Variants in FGF14 observed in about 807,000 individuals in gnomAD.
The protein encoded by FGF14 is fibroblast growth factor 14.
In FGF14, 5 loss-of-function variants were observed where a neutral mutation model predicts 25.5. The observed-to-expected ratio is 0.20, with a 90% CI of 0.10 to 0.41. The LOEUF is 0.41. FGF14 is among the 10% of genes least tolerant of loss of function. FGF14 has a pLI of 1.00. For synonymous variants in FGF14, 138 were observed against 118.3 expected, an observed-to-expected ratio of 1.17 and a Z score of -1.08; for missense variants, 222 against 320.1, an observed-to-expected ratio of 0.69 and a Z score of 2.34.
intron 1 of FGF14, among the ~76,000 whole-genome samples, chr13:102,023,778 C>A (rs2040791724): frequency 6.6e-6 from 1 of 151,912 alleles, no homozygotes; most frequent in Non-Finnish European, 1.5e-5. Context: ...CTGACAGGTA[C>A]AGTAAGGCCT....
intron 1 of FGF14, among the ~76,000 whole-genome samples, chr13:102,345,220 T>G (rs974877017): frequency 6.6e-6 from 1 of 152,190 alleles, no homozygotes; most frequent in Non-Finnish European, 1.5e-5. Flanking sequence ...ACCACAATAT[T>G]ACTTAAGAAT....
intron 1 of FGF14, among the ~76,000 whole-genome samples, chr13:102,235,968 T>C (rs1278854330): frequency 1.3e-5 from 2 of 152,250 alleles, no homozygotes; most frequent in Non-Finnish European, 2.9e-5. Flanking sequence ...ATTCATAGTT[T>C]AAGAATTAGT....
At chr13:101,897,533 G>A (rs761191719) in intron 1 of FGF14, among the ~76,000 whole-genome samples, 1 of 152,128 alleles carries the variant, frequency 6.6e-6, no homozygotes, top group East Asian at 1.9e-4. Context: ...GCAGCCTGGA[G>A]TAAGAGATAT....
At chr13:101,825,190 G>A (rs753190818) in intron 3 of FGF14, among the ~76,000 whole-genome samples, 2 of 152,182 alleles carry the variant, frequency 1.3e-5, no homozygotes, top group Admixed American at 6.5e-5. Flanking sequence ...TAAAGTGGGA[G>A]GGAGTCTTGT....
intron 1 of FGF14, among the ~76,000 whole-genome samples, chr13:102,384,438 T>C (rs2058255453): frequency 6.6e-6 from 1 of 152,194 alleles, no homozygotes; most frequent in Non-Finnish European, 1.5e-5. Context: ...TCATTCTTGG[T>C]ACTCACCACA....
At chr13:101,730,540 A>G (rs1024200891) in intron 3 of FGF14, among the ~76,000 whole-genome samples, 3 of 152,222 alleles carry the variant, frequency 2.0e-5, no homozygotes, top group African/African-American at 7.2e-5. Context: ...ATTTCCTTAT[A>G]AGGGACCTAA....
intron 1 of FGF14, among the ~76,000 whole-genome samples, chr13:102,345,904 C>T (rs1209215521): frequency 6.6e-6 from 1 of 152,148 alleles, no homozygotes; most frequent in Admixed American, 6.5e-5. Flanking sequence ...CAATTAATAA[C>T]ATTAATCAAA....
chr13:101,790,409 CTTTT>C (rs3064706), intron 3 of FGF14, among the ~76,000 whole-genome samples: 208 of 143,048 alleles, frequency 1.5e-3, no homozygotes, highest in Middle Eastern at 3.6e-3. Context: ...TATTCATTTT[CTTTT>C]TTTTTTTTTT....
intron 1 of FGF14, among the ~76,000 whole-genome samples, chr13:102,331,576 C>T (rs2056633514): frequency 6.6e-6 from 1 of 152,178 alleles, no homozygotes; most frequent in Admixed American, 6.6e-5. Context: ...AATAACTTCA[C>T]TCTTCCTTTG....
chr13:102,023,043 G>GACACAC (rs59221538), intron 1 of FGF14, among the ~76,000 whole-genome samples: 12,493 of 146,188 alleles, frequency 0.085, 715 homozygotes, highest in East Asian at 0.23. Flanking sequence ...AATATTTTCG[G>GACACAC]ACACACACAC....
chr13:102,220,256 C>A (rs2050547998), intron 1 of FGF14, among the ~76,000 whole-genome samples: 1 of 151,864 alleles, frequency 6.6e-6, no homozygotes, highest in African/African-American at 2.4e-5. Context: ...ATTCTCTTAA[C>A]AAAAATATGT....
rs571313668 is a variant in FGF14, at chr13:101,715,400, G to A, written c.*7431C>T. The A allele has an allele frequency of 1.0e-4, 62 of 617,872 alleles. No individual in the cohort carries two copies. The highest frequency in any genetic ancestry group is 6.0e-4 in the Admixed American group (22 of 36,616). 38.3% of individuals were successfully genotyped at this position (617,872 alleles called of 1,614,324 possible). A position where few individuals can be genotyped will look rare whatever the true frequency, so the allele number is the denominator to read the frequency against. On this transcript the variant is annotated 3_prime_UTR_variant, in exon 5 of 5. Transcript: ENST00000376143. ...AATTGTTTGAAAGATTAGATGTCTCGCAGCTGCTTAATAAGATGTAATAAT... is the reference window on the plus strand; with the variant it reads ...AATTGTTTGAAAGATTAGATGTCTCACAGCTGCTTAATAAGATGTAATAAT...
intron 1 of FGF14, among the ~76,000 whole-genome samples, chr13:101,973,494 T>C (rs1222622519): frequency 6.6e-6 from 1 of 152,050 alleles, no homozygotes; most frequent in African/African-American, 2.4e-5. Flanking sequence ...AAAGGGGAGT[T>C]TATTAAGAAT....
At chr13:102,004,508 A>G (rs2039675474) in intron 1 of FGF14, among the ~76,000 whole-genome samples, 1 of 152,192 alleles carries the variant, frequency 6.6e-6, no homozygotes, top group South Asian at 2.1e-4. Context: ...AATGTGTGAA[A>G]ACTTTAGTGA....
At chr13:101,836,492 G>A (rs1018493699) in intron 3 of FGF14, among the ~76,000 whole-genome samples, 2 of 152,196 alleles carry the variant, frequency 1.3e-5, no homozygotes, top group South Asian at 4.1e-4. Flanking sequence ...GGTAACAACC[G>A]AAGGAGTCAG....
At chr13:101,790,400 A>G (rs2040166489) in intron 3 of FGF14, among the ~76,000 whole-genome samples, 1 of 117,698 alleles carries the variant, frequency 8.5e-6, no homozygotes, top group Non-Finnish European at 1.9e-5. Context: ...AGCTGGCTCT[A>G]TTCATTTTCT....
intron 1 of FGF14, among the ~76,000 whole-genome samples, chr13:101,887,328 GTATA>G (rs1555307081): frequency 2.0e-5 from 3 of 147,672 alleles, no homozygotes; most frequent in African/African-American, 2.5e-5. Flanking sequence ...ATATATGTGT[GTATA>G]TATATATATA....
intron 1 of FGF14, among the ~76,000 whole-genome samples, chr13:102,131,452 G>T (rs535231575): frequency 1.4e-4 from 21 of 152,070 alleles, no homozygotes; most frequent in Non-Finnish European, 2.6e-4. Context: ...ATGAGCTCAT[G>T]GTGCCTCCTC....
chr13:101,920,682 A>AC (rs529721254), upstream of FGF14, among the ~76,000 whole-genome samples: 141 of 151,518 alleles, frequency 9.3e-4, no homozygotes, highest in Admixed American at 3.2e-3. Context: ...CCTCACCACC[A>AC]CCCCCCCACA....
Sources: allele counts gnomAD v4.1 joint callset (sites outside exome capture counted in the v4.1 genomes callset), GRCh38; gene constraint gnomAD v4.1.1; transcripts MANE v1.5; gene names NCBI Gene and HGNC (gene_info 2026-07-23, HGNC 2026-07-21).